Variants in PTBP1 observed in about 807,000 individuals in gnomAD.
PTBP1 encodes polypyrimidine tract-binding protein 1.
In PTBP1, 8 loss-of-function variants were observed where a neutral mutation model predicts 59.8. The observed-to-expected ratio is 0.13, with a 90% CI of 0.08 to 0.24. The LOEUF is 0.24. Among genes scored for constraint, PTBP1 ranks in the 10% least tolerant of loss-of-function variants. The pLI is 1.00. For missense variants in PTBP1, 686 were observed against 767.0 expected (o/e 0.89, Z 1.25); for synonymous variants, 490 against 320.7 (o/e 1.53, Z -5.64).
Position 810,819 on chromosome 19 carries a change from C to T in PTBP1, c.1667C>T (p.Thr556Ile), listed in dbSNP as rs1295463742. The T allele has an allele frequency of 6.3e-7, 1 of 1,579,304 alleles. No homozygotes were observed. Among genetic ancestry groups the T allele is most frequent in the South Asian group, 1.2e-5 (1 of 85,344 alleles). Residue 556 changes from threonine (T) to isoleucine (I), a missense_variant, in exon 15 of 15, where the codon ACC becomes ATC. By Grantham distance (89) the Thr-to-Ile change is moderately conservative. Coordinates refer to ENST00000356948, the MANE Select transcript of PTBP1 (RefSeq NM_002819.5). ...HHLRVSFSKS[T>I]I ...CTGCGGGTCTCCTTCTCCAAGTCCA[C>T]CATCTAGGGGCACAGGCCCCCACGG...
Position 806,469 on chromosome 19 carries a change from G to A in PTBP1, c.1032G>A (p.Ala344=), listed in dbSNP as rs11549881. The change falls in exon 10 of 15, where the codon GCG becomes GCA. Residue 344 remains alanine (A), a synonymous_variant. Coordinates refer to ENST00000356948, the MANE Select transcript of PTBP1 (RefSeq NM_002819.5). The stretch of plus-strand genomic sequence containing the variant: ...CCCTGGCCATCCCCTCGGCGGCGGC[G>A]GCAGCTGCGGCGGCAGGTCGGATCG... ...LAPLAIPSAA[A]AAAAAGRIAI... 1,055 of 1,592,848 alleles carry A rather than the reference G, an allele frequency of 6.6e-4. 5 individuals are homozygous for A. Among genetic ancestry groups the A allele is most frequent in the Middle Eastern group, 2.8e-3 (17 of 5,994 alleles).
At chr19:799,383 T>A (rs984896198) in intron 1 of PTBP1, 30 bp from the exon 2 acceptor site, 1 of 1,612,578 alleles carries the variant, frequency 6.2e-7, no homozygotes, top group Non-Finnish European at 8.5e-7. Flanking sequence ...GCCACCAGGC[T>A]AACGTTGTCT....
In PTBP1 at chr19:804,173, G is replaced by A; in HGVS notation, c.253G>A (p.Val85Ile). 1 of 1,610,556 alleles carries A rather than the reference G, an allele frequency of 6.2e-7. No individual in the cohort carries two copies. The highest frequency in any genetic ancestry group is 1.3e-5 in the African/African-American group (1 of 74,914). The change falls in exon 4 of 15, where the codon GTC becomes ATC. Residue 85 changes from valine to isoleucine, a missense_variant. Physicochemically the swap from Val to Ile is conservative, Grantham distance 29 (BLOSUM62 3). Coordinates refer to ENST00000356948, the MANE Select transcript of PTBP1 (RefSeq NM_002819.5). The part of the protein sequence containing the change: ...VISLGLPFGK[V>I]TNLLMLKGKN... ...CTCCCTGGGGCTGCCCTTTGGGAAGGTCACCAACCTCCTGATGCTGAAGGG... is the reference window on the plus strand; with the variant it reads ...CTCCCTGGGGCTGCCCTTTGGGAAGATCACCAACCTCCTGATGCTGAAGGG...
chr19:798,903 T>C (rs1051781234), intron 1 of PTBP1, among the ~76,000 whole-genome samples: 3 of 152,224 alleles, frequency 2.0e-5, no homozygotes, highest in Non-Finnish European at 4.4e-5. Context: ...ATTGACGGTT[T>C]CCACGGCCGC....
intron 1 of PTBP1, among the ~76,000 whole-genome samples, chr19:798,734 G>C (rs1047404208): frequency 2.6e-5 from 4 of 152,246 alleles, no homozygotes; most frequent in African/African-American, 9.6e-5. Context: ...GGAGCTCACT[G>C]TTGGGTCAGG....
intron 2 of PTBP1, among the ~76,000 whole-genome samples, chr19:800,009 C>T (rs1385122496): frequency 6.6e-6 from 1 of 151,990 alleles, no homozygotes; most frequent in African/African-American, 2.4e-5. Flanking sequence ...TCACTGCAAC[C>T]TCCACCTCTC....
rs2034900392 is a variant in PTBP1 at position 811,959 on chromosome 19, C to T, written c.*1133C>T. On this transcript the variant is annotated 3_prime_UTR_variant, in exon 15 of 15. Coordinates refer to ENST00000356948, the MANE Select transcript of PTBP1 (RefSeq NM_002819.5). Reference sequence around the variant, plus strand: ...TGTGCTCTTTCTACCGCCCCCGCGTCCTGTCCCGGGGGCTCTCCTAGGATC... The same window carrying T: ...TGTGCTCTTTCTACCGCCCCCGCGTTCTGTCCCGGGGGCTCTCCTAGGATC... The T allele has an allele frequency of 6.6e-6, 1 of 152,444 alleles. No homozygotes were observed. Among genetic ancestry groups the T allele is most frequent in the Non-Finnish European group, 1.5e-5 (1 of 68,036 alleles). 9.4% of individuals were successfully genotyped at this position (152,444 alleles called of 1,614,324 possible).
chr19:797,652 C>T, intron 1 of PTBP1, 147 bp downstream of exon 1: 1 of 429,926 alleles, frequency 2.3e-6, no homozygotes, highest in Non-Finnish European at 3.6e-6. Context: ...GCGTGGCGGG[C>T]GCGGGTGCGG....
At chr19:805,308 C>G in intron 8 of PTBP1, 121 bp downstream of exon 8, 9 of 1,280,216 alleles carry the variant, frequency 7.0e-6, no homozygotes, top group Non-Finnish European at 9.9e-6. Flanking sequence ...GCTCTCTGCA[C>G]GGCCAGCACA....
chr19:804,677 C>T lies in PTBP1; in HGVS notation c.581C>T (p.Pro194Leu). 1.2e-6 allele frequency: 2 copies of T among 1,612,958 alleles called. No homozygotes were observed. Among genetic ancestry groups the T allele is most frequent in the Non-Finnish European group, 1.7e-6 (2 of 1,179,590 alleles). ...LRIIVENLFY[P>L]VTLDVLHQIF... Reference sequence around the variant, plus strand: ...ATCATCGTGGAGAACCTCTTCTACCCTGTGACCCTGGATGTGCTGCACCAG... The same window carrying T: ...ATCATCGTGGAGAACCTCTTCTACCTTGTGACCCTGGATGTGCTGCACCAG... Residue 194 changes from proline (P) to leucine (L), a missense_variant, in exon 6 of 15, where the codon CCT becomes CTT. Coordinates refer to ENST00000356948, the MANE Select transcript of PTBP1 (RefSeq NM_002819.5).
rs527549379 is a variant in PTBP1 at position 808,981 on chromosome 19, C to T, written c.1463+219C>T. Among the ~76,000 whole-genome samples, 12 of 152,162 alleles carry T rather than the reference C, an allele frequency of 7.9e-5. No individual in the cohort carries two copies. The South Asian group carries it at 1.5e-3, about 18-fold the overall frequency. ...TGGAGGTTTTGGCTCAGGGGATGCT[C>T]CCTGTGAGAATGTATAATGCACACA... On this transcript the variant is annotated intron_variant, in intron 13 of 14. Coordinates refer to ENST00000356948, the MANE Select transcript of PTBP1 (RefSeq NM_002819.5). This position sits in a 1 kb window ranked among gnomAD's most constrained non-coding sequence, Gnocchi z 4.7.
At chr19:806,941 T>TC (rs1306452873) in intron 10 of PTBP1, 1 of 176,462 alleles carries the variant, frequency 5.7e-6, no homozygotes, top group African/African-American at 2.4e-5. Context: ...CGAGAGCCTG[T>TC]CACTTAACTG....
Position 810,968 on chromosome 19 carries a change from A to T in PTBP1, c.*142A>T, listed in dbSNP as rs2034835931. 1 of 932,838 alleles carries T rather than the reference A, an allele frequency of 1.1e-6. No individual in the cohort carries two copies. 57.8% of individuals were successfully genotyped at this position (932,838 alleles called of 1,614,324 possible). On this transcript the variant is annotated 3_prime_UTR_variant, in exon 15 of 15. Transcript: ENST00000356948. ...AGAAATCAGTTTACCTGTTTTTAAAAAAATTAAATCTAGTTCACCTTGCTC... is the reference window on the plus strand; with the variant it reads ...AGAAATCAGTTTACCTGTTTTTAAATAAATTAAATCTAGTTCACCTTGCTC...
rs573288955 is a variant in PTBP1, at chr19:811,103, T to C, written c.*277T>C. On this transcript the variant is annotated 3_prime_UTR_variant, in exon 15 of 15. Coordinates refer to ENST00000356948, the MANE Select transcript of PTBP1 (RefSeq NM_002819.5). ...CGGGGCCATGCCTTGGTGGGGCCTG[T>C]GTCGGGCGTGGGGCCTGCAGGTGGG... is the stretch of plus-strand genomic sequence containing the variant. 4.1e-5 allele frequency: 14 copies of C among 338,962 alleles called. No homozygotes were observed. The highest frequency in any genetic ancestry group is 3.0e-4 in the African/African-American group (14 of 46,624). 21.0% of individuals were successfully genotyped at this position (338,962 alleles called of 1,614,324 possible).
chr19:805,398 C>T (rs115813123), intron 8 of PTBP1, 94 bp from the exon 9 acceptor site: 205,312 of 1,337,868 alleles, frequency 0.15, 17,930 homozygotes, highest in Admixed American at 0.25. Context: ...CTGCCGGGGC[C>T]GCCCGCCGGC....
At chr19:809,513 G>GTAAAAATAAACAAATTTTTTGTATATTTA (rs2034754199) in intron 13 of PTBP1, among the ~76,000 whole-genome samples, 1 of 151,816 alleles carries the variant, frequency 6.6e-6, no homozygotes, top group African/African-American at 2.4e-5. Context: ...GTGGAAACGG[G>GTAAAAATAAACAAATTTTTTGTATATTTA]GTTTCACTGT....
intron 13 of PTBP1, among the ~76,000 whole-genome samples, chr19:809,141 T>C (rs573490749): frequency 4.6e-5 from 7 of 152,090 alleles, no homozygotes; most frequent in African/African-American, 1.7e-4. Context: ...CCCGAGTAGC[T>C]GGGACTGTAG....
chr19:802,153 T>C (rs1397038677), intron 2 of PTBP1, among the ~76,000 whole-genome samples: 1 of 152,142 alleles, frequency 6.6e-6, no homozygotes, highest in Non-Finnish European at 1.5e-5. Context: ...AGAGGTCTCA[T>C]TGGCAAGGGC....
At chr19:801,872 G>T (rs1599221954) in intron 2 of PTBP1, among the ~76,000 whole-genome samples, 1 of 152,146 alleles carries the variant, frequency 6.6e-6, no homozygotes, top group Non-Finnish European at 1.5e-5. Context: ...CTCATAGGGG[G>T]CCCCAGACTC....
Sources: allele counts gnomAD v4.1 joint callset (sites outside exome capture counted in the v4.1 genomes callset), GRCh38; gene constraint gnomAD v4.1.1; non-coding constraint Gnocchi (gnomAD v3.1); transcripts MANE v1.5; gene names NCBI Gene and HGNC (gene_info 2026-07-23, HGNC 2026-07-21).